The following EPX variants were observed in gnomAD, a reference collection of about 807,000 sequenced individuals.
EPX encodes eosinophil peroxidase.
A neutral mutation model predicts 73.0 loss-of-function variants in EPX; 60 were observed. The observed-to-expected ratio is 0.82, with a 90% CI of 0.67 to 1.02. The LOEUF is 1.02. Ranked by LOEUF, EPX falls within the 50% of genes least tolerant of loss-of-function variation. EPX has a pLI of 0.00. For synonymous variants in EPX, 347 were observed against 389.2 expected (o/e 0.89, Z 1.28); for missense variants, 950 against 973.9 (o/e 0.98, Z 0.33).
chr17:58,201,363 C>A (rs1002722081), intron 10 of EPX, among the ~76,000 whole-genome samples: 1 of 152,198 alleles, frequency 6.6e-6, no homozygotes, highest in Non-Finnish European at 1.5e-5. Context: ...GAGCTGAGAT[C>A]GCTAGCCACC....
Position 58,195,155 on chromosome 17 carries a change from C to T in EPX, c.786C>T (p.Pro262=). 6.2e-7 allele frequency: 1 copy of T among 1,613,826 alleles called. No individual in the cohort carries two copies. Among genetic ancestry groups the T allele is most frequent in the Non-Finnish European group, 8.5e-7 (1 of 1,179,808 alleles). The change falls in exon 6 of 13, where the codon CCC becomes CCT. Residue 262 remains proline (P), a synonymous_variant. Coordinates refer to ENST00000225371, the MANE Select transcript of EPX (RefSeq NM_000502.6). ...AGAGGACCTGCGCCCAGCTGCCCCC[C>T]TGCTTTCCCATCAAGGTACCTACCC... ...DCERTCAQLP[P]CFPIKIPPND...
rs1212494575 is a variant in EPX at position 58,192,864 on chromosome 17, C to T, written c.18C>T (p.Ala6=). 6.2e-7 allele frequency: 1 copy of T among 1,614,114 alleles called. No individual in the cohort carries two copies. The highest frequency in any genetic ancestry group is 1.6e-4 in the Middle Eastern group (1 of 6,062). MHLLP[A]LAGVLATLVL... ...CTGCAGAGATGCATCTGCTCCCAGCCCTGGCAGGGGTCCTGGCCACACTCG... is the reference window on the plus strand; with the variant it reads ...CTGCAGAGATGCATCTGCTCCCAGCTCTGGCAGGGGTCCTGGCCACACTCG... The change falls in exon 1 of 13, where the codon GCC becomes GCT. Residue 6 remains alanine (A), a synonymous_variant. Coordinates refer to ENST00000225371, the MANE Select transcript of EPX (RefSeq NM_000502.6).
At chr17:58,193,303 C>G in intron 2 of EPX, 68 bp from the exon 3 acceptor site, 1 of 1,529,246 alleles carries the variant, frequency 6.5e-7, no homozygotes, top group South Asian at 1.1e-5. Flanking sequence ...GACTGTGCCC[C>G]AGGACTGGGT....
intron 11 of EPX, among the ~76,000 whole-genome samples, chr17:58,204,007 T>C (rs1353284807): frequency 7.1e-6 from 1 of 141,462 alleles, no homozygotes; most frequent in Non-Finnish European, 1.5e-5. Context: ...ATTGCCCGAG[T>C]TCAAATCCAG....
Position 58,197,076 on chromosome 17 carries a change from G to A in EPX, c.939G>A (p.Met313Ile). Residue 313 changes from methionine to isoleucine, a missense_variant, in exon 7 of 13, where the codon ATG becomes ATA. By Grantham distance (10) the Met-to-Ile change is conservative. Coordinates refer to ENST00000225371, the MANE Select transcript of EPX (RefSeq NM_000502.6). ...NALTSFVDASMVYGSEVSLSL... is the reference protein window; with the variant it reads ...NALTSFVDASIVYGSEVSLSL... ...TCACCTCCTTTGTGGACGCCAGCAT[G>A]GTGTATGGCAGTGAGGTCTCCCTCT... is the stretch of plus-strand genomic sequence containing the variant. 6.2e-7 allele frequency: 1 copy of A among 1,614,214 alleles called. No individual in the cohort carries two copies.
chr17:58,200,528 G>A (rs1258622599), intron 10 of EPX, 133 bp downstream of exon 10: 11 of 949,746 alleles, frequency 1.2e-5, no homozygotes, highest in Admixed American at 2.0e-5. Flanking sequence ...GGCATGCAAG[G>A]CCAAGGTCGA....
chr17:58,197,309 T>C, intron 7 of EPX, 52 bp downstream of exon 7: 1 of 1,596,672 alleles, frequency 6.3e-7, no homozygotes, highest in Non-Finnish European at 8.5e-7. Context: ...ATCCCTGGGG[T>C]CCCAACTGGG....
chr17:58,199,102 C>G lies in EPX; in HGVS notation c.1183C>G (p.His395Asp). 6.2e-7 allele frequency: 1 copy of G among 1,613,968 alleles called. No individual in the cohort carries two copies. The highest frequency in any genetic ancestry group is 1.1e-5 in the South Asian group (1 of 91,072). Residue 395 changes from histidine (H) to aspartate (D), a missense_variant, in exon 8 of 13, where the codon CAC (histidine) becomes GAC (aspartate). Physicochemically the swap from His to Asp is moderately conservative, Grantham distance 81. Transcript: ENST00000225371. The stretch of plus-strand genomic sequence containing the variant: ...CATGCACACCCTCTTTATGCGAGAG[C>G]ACAACCGGCTGGCCACCGAGCTGAG... ...AAMHTLFMRE[H>D]NRLATELRRL...
chr17:58,193,052 G>A lies in EPX; in HGVS notation c.91G>A (p.Val31Met), dbSNP rs763109262. The change falls in exon 2 of 13, where the codon GTG becomes ATG. Residue 31 changes from valine to methionine, a missense_variant. Transcript: ENST00000225371. ...TCTTTGAACAGCCTCCCCTGGGGCA[G>A]TGGAGACCTCGGTCCTGCGAGACTG... ...EGTDPASPGA[V>M]ETSVLRDCIA... The A allele has an allele frequency of 1.9e-6, 3 of 1,612,584 alleles. No homozygotes were observed. The African/African-American group carries it at 4.0e-5, about 22-fold the overall frequency.
intron 6 of EPX, among the ~76,000 whole-genome samples, 167 bp downstream of exon 6, chr17:58,195,337 C>T (rs1229540115): frequency 2.0e-5 from 3 of 152,136 alleles, no homozygotes; most frequent in Admixed American, 6.5e-5. Context: ...GACCCCGCGC[C>T]GTGTGTGTTT....
intron 5 of EPX, 69 bp downstream of exon 5, chr17:58,194,161 A>G: frequency 6.5e-7 from 1 of 1,531,224 alleles, no homozygotes; most frequent in Admixed American, 1.7e-5. Context: ...CACAGCCCAG[A>G]GTCACGCAGG....
At chr17:58,204,040 G>A (rs182887481) in intron 11 of EPX, among the ~76,000 whole-genome samples, 182 bp from the exon 12 acceptor site, 9 of 145,078 alleles carry the variant, frequency 6.2e-5, no homozygotes, top group Non-Finnish European at 1.0e-4. Context: ...AAATTACTGT[G>A]CACTTAATAC....
rs1400009267 is a variant in EPX, at chr17:58,202,726, T to C, written c.1709-355T>C. 1.6e-5 allele frequency: 5 copies of C among 310,182 alleles called. No individual in the cohort carries two copies. In the East Asian group the frequency reaches 3.7e-4, roughly 23 times the overall value. 19.2% of individuals were successfully genotyped at this position (310,182 alleles called of 1,614,324 possible). The stretch of plus-strand genomic sequence containing the variant: ...TCACTCATTCATTCTACAAACCTGA[T>C]GGAGAGTCTTTTATATTCTGGGTAC... On this transcript the variant is annotated intron_variant, in intron 10 of 12. Transcript: ENST00000225371.
rs537204155 is a variant in EPX at position 58,204,239 on chromosome 17, G to T, written c.1964G>T (p.Arg655Leu). 1.2e-6 allele frequency: 2 copies of T among 1,613,914 alleles called. No homozygotes were observed. The highest frequency in any genetic ancestry group is 1.7e-6 in the Non-Finnish European group (2 of 1,179,926). The part of the protein sequence containing the change: ...RDGDRFWWQK[R>L]GVFTKRQRKA... ...CCTGGTAGGTTCTGGTGGCAGAAAC[G>T]AGGTGTTTTCACCAAAAGACAGCGC... Residue 655 changes from arginine to leucine, a missense_variant, in exon 12 of 13, where the codon CGA (arginine) becomes CTA (leucine). By Grantham distance (102) the Arg-to-Leu change is moderately radical. Coordinates refer to ENST00000225371, the MANE Select transcript of EPX (RefSeq NM_000502.6).
chr17:58,200,213 C>T lies in EPX; in HGVS notation c.1538-12C>T, dbSNP rs1968320145. The T allele has an allele frequency of 6.2e-7, 1 of 1,613,742 alleles. No homozygotes were observed. The highest frequency in any genetic ancestry group is 8.5e-7 in the Non-Finnish European group (1 of 1,179,800). On this transcript the variant is annotated splice_polypyrimidine_tract_variant and intron_variant, in intron 9 of 12. Coordinates refer to ENST00000225371, the MANE Select transcript of EPX (RefSeq NM_000502.6). ...TGGTCCAATCTGTGCTGCTCACATT[C>T]CCTGCCACCAGGGGGCATCGACCCC...
At position 58,194,932 on chromosome 17, in the gene EPX, C is replaced by T. The variant is rs373468375; in HGVS notation, c.595-32C>T. The T allele has an allele frequency of 6.6e-5, 103 of 1,566,204 alleles. 1 individual carries two copies. The South Asian group carries it at 1.1e-3, about 17-fold the overall frequency. On this transcript the variant is annotated intron_variant, in intron 5 of 12. Transcript: ENST00000225371. ...TAATACCTTGTGGGGTCAGGGAGCC[C>T]ATGTCCCGTGCTGATGTTATTTCCC...
intron 10 of EPX, 86 bp from the exon 11 acceptor site, chr17:58,202,995 G>A (rs2143719479): frequency 1.0e-6 from 1 of 998,272 alleles, no homozygotes; most frequent in Non-Finnish European, 1.6e-6. Flanking sequence ...ACTGGCCACA[G>A]CTTCCCCCCA....
intron 10 of EPX, chr17:58,202,659 T>C (rs1430078891): frequency 3.6e-6 from 1 of 276,130 alleles, no homozygotes; most frequent in Non-Finnish European, 7.1e-6. Context: ...ATTTTATCAT[T>C]GCTCTCCATT....
chr17:58,194,218 G>A, intron 5 of EPX, 126 bp downstream of exon 5: 1 of 942,364 alleles, frequency 1.1e-6, no homozygotes, highest in South Asian at 1.4e-5. Context: ...AGTGACTTGA[G>A]GCAAATAACA....
Sources: gnomAD v4.1 joint callset for allele counts (sites outside exome capture counted in the v4.1 genomes callset) on GRCh38, gnomAD v4.1.1 for gene constraint, MANE v1.5 for transcripts, NCBI Gene and HGNC (gene_info 2026-07-23, HGNC 2026-07-21) for gene names.